NOL4: variants seen among roughly 807,000 people sequenced by gnomAD.
NOL4 encodes the protein cancer/testis antigen 125.
A neutral mutation model predicts 75.9 loss-of-function variants in NOL4; 17 were observed. The observed-to-expected ratio is 0.22, with a 90% CI of 0.15 to 0.34. The LOEUF is 0.34. Among genes scored for constraint, NOL4 ranks in the 10% least tolerant of loss-of-function variants. NOL4 has a pLI of 1.00. For synonymous variants in NOL4, 292 were observed against 289.9 expected, an observed-to-expected ratio of 1.01 and a Z score of -0.07; for missense variants, 614 against 793.5, an observed-to-expected ratio of 0.77 and a Z score of 2.72.
chr18:34,083,347 TA>T (rs1199684485), intron 5 of NOL4, among the ~76,000 whole-genome samples: 1 of 152,138 alleles, frequency 6.6e-6, no homozygotes, highest in Non-Finnish European at 1.5e-5. Context: ...AGGGAGAAAC[TA>T]GAAGAGTGGA....
At chr18:33,912,948 T>C (rs1013123954) in intron 9 of NOL4, among the ~76,000 whole-genome samples, 1 of 152,120 alleles carries the variant, frequency 6.6e-6, no homozygotes, top group Non-Finnish European at 1.5e-5. Flanking sequence ...TCACCAAAAC[T>C]ACAGTGTCTT....
intron 8 of NOL4, among the ~76,000 whole-genome samples, chr18:33,946,071 T>C (rs2068814774): frequency 6.6e-6 from 1 of 151,626 alleles, no homozygotes; most frequent in Non-Finnish European, 1.5e-5. Context: ...TGTTTTCAAC[T>C]AAAAAAATAA....
At chr18:34,137,204 C>A (rs894123636) in intron 1 of NOL4, among the ~76,000 whole-genome samples, 2 of 152,066 alleles carry the variant, frequency 1.3e-5, no homozygotes, top group Non-Finnish European at 2.9e-5. Context: ...CAAGGTTACA[C>A]AGAAGTAAAT....
chr18:34,001,108 G>A (rs2073666024), intron 6 of NOL4, among the ~76,000 whole-genome samples: 1 of 152,102 alleles, frequency 6.6e-6, no homozygotes, highest in Admixed American at 6.6e-5. Context: ...TACATCAACA[G>A]TCTCAGTGTA....
intron 6 of NOL4, among the ~76,000 whole-genome samples, chr18:33,985,469 TTA>T (rs1171104248): frequency 6.6e-6 from 1 of 152,162 alleles, no homozygotes; most frequent in Non-Finnish European, 1.5e-5. Context: ...ACAAATTATT[TTA>T]TGTCATCTAT....
chr18:33,915,812 A>T (rs1405442452), intron 9 of NOL4, among the ~76,000 whole-genome samples: 1 of 152,174 alleles, frequency 6.6e-6, no homozygotes, highest in Non-Finnish European at 1.5e-5. Flanking sequence ...AAAAGTAGTA[A>T]GGTCTCTCTC....
At chr18:33,949,803 T>C (rs1251271655) in intron 8 of NOL4, among the ~76,000 whole-genome samples, 2 of 152,070 alleles carry the variant, frequency 1.3e-5, no homozygotes, top group East Asian at 3.9e-4. Context: ...TTATTGGTCA[T>C]TAATAATGAT....
chr18:34,178,465 C>T (rs1219593358), intron 1 of NOL4, among the ~76,000 whole-genome samples: 1 of 151,418 alleles, frequency 6.6e-6, no homozygotes, highest in Non-Finnish European at 1.5e-5. Context: ...ATACAATGGA[C>T]ATATATGATA....
Position 34,049,041 on chromosome 18 carries a change from T to C in NOL4, c.773-29440A>G, listed in dbSNP as rs1009581467. Among the ~76,000 whole-genome samples, 2 of 148,732 alleles carry C rather than the reference T, an allele frequency of 1.3e-5. 1 individual carries two copies. The highest frequency in any genetic ancestry group is 4.3e-4 in the South Asian group (2 of 4,686). On this transcript the variant is annotated intron_variant, in intron 5 of 10. Coordinates refer to ENST00000261592, the MANE Select transcript of NOL4 (RefSeq NM_003787.5). Reference sequence around the variant, plus strand: ...TTTTTTTGTTTGTATATCATCACCATTGTATCAACTTGAAGGTTAGATACA... The same window carrying C: ...TTTTTTTGTTTGTATATCATCACCACTGTATCAACTTGAAGGTTAGATACA...
chr18:33,861,276 G>T (rs1222777794), intron 10 of NOL4, among the ~76,000 whole-genome samples: 2 of 152,048 alleles, frequency 1.3e-5, no homozygotes, highest in African/African-American at 4.8e-5. Flanking sequence ...GACTCTTTTT[G>T]GTTGGTAAGC....
At chr18:34,003,385 T>C in intron 6 of NOL4, among the ~76,000 whole-genome samples, 1 of 152,110 alleles carries the variant, frequency 6.6e-6, no homozygotes. Context: ...TGGCATATCG[T>C]ACACCCTGAA....
chr18:34,166,085 T>C (rs1477095931), intron 1 of NOL4, among the ~76,000 whole-genome samples: 1 of 152,090 alleles, frequency 6.6e-6, no homozygotes, highest in South Asian at 2.1e-4. Flanking sequence ...GTCTCTAGCT[T>C]AGTTAATAAA....
At chr18:33,980,471 C>A (rs142989139) in intron 6 of NOL4, among the ~76,000 whole-genome samples, 2 of 151,772 alleles carry the variant, frequency 1.3e-5, no homozygotes, top group Non-Finnish European at 2.9e-5. Flanking sequence ...CTGTTCTTTC[C>A]GGTTATTAAG....
At chr18:34,191,106 C>T (rs539889386) in intron 1 of NOL4, among the ~76,000 whole-genome samples, 4 of 152,140 alleles carry the variant, frequency 2.6e-5, no homozygotes, top group South Asian at 2.1e-4. Flanking sequence ...CTTAAAAATA[C>T]GACTACATGA....
At chr18:33,969,281 T>C (rs1376012319) in intron 6 of NOL4, among the ~76,000 whole-genome samples, 5 of 152,214 alleles carry the variant, frequency 3.3e-5, no homozygotes, top group Non-Finnish European at 7.3e-5. Context: ...AAAGAAATAT[T>C]ACCTTCGATA....
chr18:34,191,355 GACC>G (rs2034900295), intron 1 of NOL4, among the ~76,000 whole-genome samples: 1 of 151,750 alleles, frequency 6.6e-6, no homozygotes, highest in African/African-American at 2.4e-5. Flanking sequence ...CACAATAATT[GACC>G]ACTTGTCAGT....
intron 9 of NOL4, among the ~76,000 whole-genome samples, chr18:33,903,573 G>C (rs1253786692): frequency 1.3e-5 from 2 of 152,068 alleles, no homozygotes; most frequent in Admixed American, 6.6e-5. Context: ...TTTAGATCTG[G>C]GAAAAGATGA....
intron 1 of NOL4, among the ~76,000 whole-genome samples, chr18:34,163,068 T>G (rs1420698074): frequency 6.6e-6 from 1 of 152,088 alleles, no homozygotes; most frequent in Non-Finnish European, 1.5e-5. Context: ...TCTCAATAAA[T>G]TAGGTATTGA....
chr18:33,910,302 G>C (rs1203746921), intron 9 of NOL4, among the ~76,000 whole-genome samples: 1 of 152,092 alleles, frequency 6.6e-6, no homozygotes, highest in African/African-American at 2.4e-5. Context: ...GGGCTTACTT[G>C]CTCTCTGGAC....
Sources: allele counts gnomAD v4.1 joint callset (sites outside exome capture counted in the v4.1 genomes callset), GRCh38; gene constraint gnomAD v4.1.1; transcripts MANE v1.5; gene names NCBI Gene and HGNC (gene_info 2026-07-23, HGNC 2026-07-21).